The following IGF1 variants were observed in gnomAD, a reference collection of about 807,000 sequenced individuals.
The protein encoded by IGF1 is insulin-like growth factor 1.
Under a neutral mutation model 13.8 loss-of-function variants are expected in IGF1, and 4 were observed. The ratio of observed to expected loss-of-function variants is 0.29; its 90% CI spans 0.14 to 0.66. The LOEUF (loss-of-function observed/expected upper bound fraction) is 0.66, where lower values mean the gene tolerates loss of function less well. Among genes scored for constraint, IGF1 ranks in the 30% least tolerant of loss-of-function variants. The pLI is 0.78. For synonymous variants in IGF1, 76 were observed against 72.6 expected, an observed-to-expected ratio of 1.05 and a Z score of -0.23; for missense variants, 124 against 188.5, an observed-to-expected ratio of 0.66 and a Z score of 2.00.
At chr12:102,408,631 C>T (rs1874375506) in intron 3 of IGF1, among the ~76,000 whole-genome samples, 1 of 152,118 alleles carries the variant, frequency 6.6e-6, no homozygotes, top group South Asian at 2.1e-4. Context: ...AGTACAACGG[C>T]TCTTCTTTGG....
intron 1 of IGF1, among the ~76,000 whole-genome samples, chr12:102,476,094 C>T (rs1173570662): frequency 6.6e-6 from 1 of 152,076 alleles, no homozygotes; most frequent in African/African-American, 2.4e-5. Flanking sequence ...TATCTAGAAA[C>T]GTTTACTACG....
At chr12:102,421,009 G>C (rs896726147) in intron 2 of IGF1, among the ~76,000 whole-genome samples, 6 of 152,132 alleles carry the variant, frequency 3.9e-5, no homozygotes, top group South Asian at 2.1e-4. Context: ...TCCCTCATTG[G>C]GGGAGATCAG....
At chr12:102,422,098 G>T (rs1315332731) in intron 2 of IGF1, among the ~76,000 whole-genome samples, 1 of 152,140 alleles carries the variant, frequency 6.6e-6, no homozygotes, top group African/African-American at 2.4e-5. Context: ...ACATGACTCA[G>T]TCAAACTCTA....
intron 3 of IGF1, among the ~76,000 whole-genome samples, chr12:102,408,006 C>T (rs1874316042): frequency 6.6e-6 from 1 of 152,200 alleles, no homozygotes; most frequent in Admixed American, 6.5e-5. Context: ...TCTCCACCCA[C>T]TCCAAACAAG....
At chr12:102,423,121 T>C (rs1875879468) in intron 2 of IGF1, 1 of 152,062 alleles carries the variant, frequency 6.6e-6, no homozygotes, top group South Asian at 2.1e-4. Context: ...TTGGGCCCAA[T>C]ATTCAGTATG....
chr12:102,443,739 A>G (rs1878065315), intron 2 of IGF1, among the ~76,000 whole-genome samples: 1 of 152,136 alleles, frequency 6.6e-6, no homozygotes, highest in Non-Finnish European at 1.5e-5. Flanking sequence ...AAGGAAGGTA[A>G]CAGATCACTG....
At position 102,397,837 on chromosome 12, in the gene IGF1, T is replaced by A. The variant is rs1873343002; in HGVS notation, c.*4670A>T. 6.6e-6 allele frequency: 1 copy of A among 152,214 alleles called. No homozygotes were observed. Among genetic ancestry groups the A allele is most frequent in the Non-Finnish European group, 1.5e-5 (1 of 68,028 alleles). 9.4% of individuals were successfully genotyped at this position (152,214 alleles called of 1,614,324 possible). On this transcript the variant is annotated 3_prime_UTR_variant, in exon 4 of 4. Coordinates refer to ENST00000337514, the MANE Select transcript of IGF1 (RefSeq NM_000618.5). ...AGCCATGTGATTTGAATGGAAAGAT[T>A]CTTTCTTCTGAGGAGAGCCAAACAG...
chr12:102,421,932 G>T (rs1281111879), intron 2 of IGF1, among the ~76,000 whole-genome samples: 1 of 152,070 alleles, frequency 6.6e-6, no homozygotes, highest in Non-Finnish European at 1.5e-5. Flanking sequence ...TTCTATGATT[G>T]TATATTCACT....
intron 2 of IGF1, among the ~76,000 whole-genome samples, chr12:102,428,186 C>T (rs1876382149): frequency 7.7e-6 from 1 of 130,386 alleles, no homozygotes. Flanking sequence ...AAAAAGATGA[C>T]CCTAAATATC....
Position 102,398,092 on chromosome 12 carries a change from A to C in IGF1, c.*4415T>G, listed in dbSNP as rs1873370447. ...TCATAAAGACTGTATAAAGTAAAAA[A>C]AAAAAAAAAACAAAAACAAGAAACA... is the stretch of plus-strand genomic sequence containing the variant. On this transcript the variant is annotated 3_prime_UTR_variant, in exon 4 of 4. Transcript: ENST00000337514. 1 of 151,882 alleles carries C rather than the reference A, an allele frequency of 6.6e-6. No individual in the cohort carries two copies. Among genetic ancestry groups the C allele is most frequent in the African/African-American group, 2.4e-5 (1 of 41,364 alleles). 9.4% of individuals were successfully genotyped at this position (151,882 alleles called of 1,614,324 possible).
chr12:102,415,572 T>G (rs544929719), intron 3 of IGF1: 97 of 139,324 alleles, frequency 7.0e-4, no homozygotes, highest in African/African-American at 1.5e-3. Context: ...CCTTCCTTCC[T>G]TCCTTCCTTC....
intron 3 of IGF1, among the ~76,000 whole-genome samples, chr12:102,410,211 A>G (rs1473107843): frequency 6.6e-6 from 1 of 152,206 alleles, no homozygotes; most frequent in African/African-American, 2.4e-5. Flanking sequence ...AGAAAAAAAA[A>G]TGCCAAGGGT....
intron 1 of IGF1, among the ~76,000 whole-genome samples, chr12:102,477,546 T>TC: frequency 6.6e-6 from 1 of 151,682 alleles, no homozygotes; most frequent in East Asian, 1.9e-4. Context: ...TTTTTTTTTT[T>TC]TTTTGGTTGT....
intron 3 of IGF1, among the ~76,000 whole-genome samples, chr12:102,410,202 G>GA (rs924824056): frequency 9.3e-5 from 14 of 150,872 alleles, no homozygotes; most frequent in South Asian, 2.1e-4. Context: ...GGGGAACAAA[G>GA]AAAAAAAAAT....
chr12:102,398,595 T>C lies in IGF1; in HGVS notation c.*3912A>G, dbSNP rs1873420259. 1 of 152,176 alleles carries C rather than the reference T, an allele frequency of 6.6e-6. No homozygotes were observed. Among genetic ancestry groups the C allele is most frequent in the South Asian group, 2.1e-4 (1 of 4,830 alleles). 9.4% of individuals were successfully genotyped at this position (152,176 alleles called of 1,614,324 possible). A position where few individuals can be genotyped will look rare whatever the true frequency, so the allele number is the denominator to read the frequency against. On this transcript the variant is annotated 3_prime_UTR_variant, in exon 4 of 4. Transcript: ENST00000337514. The stretch of plus-strand genomic sequence containing the variant: ...GAGCCAACAAAACAATGGAGCCTTC[T>C]AACTTTAAAAAATTTCCAACTCCTG...
rs981880658 is a variant in IGF1, at chr12:102,397,453, A to G, written c.*5054T>C. The stretch of plus-strand genomic sequence containing the variant: ...AGATAGGAATTGGTTATTTAAATTG[A>G]TATCTTTATCCTGTACCATATGCAC... On this transcript the variant is annotated 3_prime_UTR_variant, in exon 4 of 4. Coordinates refer to ENST00000337514, the MANE Select transcript of IGF1 (RefSeq NM_000618.5). 1.3e-5 allele frequency: 2 copies of G among 152,162 alleles called. No individual in the cohort carries two copies. Among genetic ancestry groups the G allele is most frequent in the African/African-American group, 4.8e-5 (2 of 41,452 alleles). 9.4% of individuals were successfully genotyped at this position (152,162 alleles called of 1,614,324 possible).
chr12:102,413,944 A>G (rs1438947671), intron 3 of IGF1, among the ~76,000 whole-genome samples: 3 of 152,158 alleles, frequency 2.0e-5, no homozygotes, highest in African/African-American at 7.2e-5. Context: ...ATCCTACCAC[A>G]TGCTTGAAAC....
chr12:102,451,626 A>G (rs753213147), intron 2 of IGF1, among the ~76,000 whole-genome samples: 24 of 152,358 alleles, frequency 1.6e-4, no homozygotes, highest in Non-Finnish European at 3.1e-4. Context: ...AATATACTGT[A>G]TAGCTCACCG....
At chr12:102,413,446 C>T (rs954599944) in intron 3 of IGF1, among the ~76,000 whole-genome samples, 10 of 152,098 alleles carry the variant, frequency 6.6e-5, no homozygotes, top group Admixed American at 5.2e-4. Context: ...GGGATGGAGG[C>T]GAGAGAAGGG....
Sources: gnomAD v4.1 joint callset for allele counts (sites outside exome capture counted in the v4.1 genomes callset) on GRCh38, gnomAD v4.1.1 for gene constraint, MANE v1.5 for transcripts, NCBI Gene and HGNC (gene_info 2026-07-23, HGNC 2026-07-21) for gene names.